The following NYX variants were observed in gnomAD, a reference collection of about 807,000 sequenced individuals.
NYX encodes the protein leucine-rich repeat protein.
For synonymous variants in NYX, 258 were observed against 245.7 expected (o/e 1.05, Z -0.47); for missense variants, 481 against 485.4 (o/e 0.99, Z 0.09).
chrX:41,451,189 T>C (rs2064278905), intron 2 of NYX, among the ~76,000 whole-genome samples: 1 of 111,363 alleles, frequency 9.0e-6, no homozygotes, highest in African/African-American at 3.3e-5. Context: ...GAATGTGGAG[T>C]AACTGGAACT....
intron 2 of NYX, among the ~76,000 whole-genome samples, chrX:41,458,025 T>C (rs1018612806): frequency 9.0e-6 from 1 of 111,707 alleles, no homozygotes; most frequent in Non-Finnish European, 1.9e-5. Flanking sequence ...AAAGCCTTCC[T>C]GCGGCGCCAT....
chrX:41,457,177 A>G (rs1328319387), intron 2 of NYX, among the ~76,000 whole-genome samples: 3 of 110,362 alleles, frequency 2.7e-5, no homozygotes, highest in African/African-American at 9.9e-5. Context: ...ATGGTGGCGC[A>G]TGCCTGTAAT....
chrX:41,448,004 A>C (rs2064264632), intron 2 of NYX, 78 bp downstream of exon 2: 1 of 1,032,003 alleles, frequency 9.7e-7, no homozygotes, highest in South Asian at 2.0e-5. Context: ...AGAGTCTTTA[A>C]AGTGGCTTCT....
intron 2 of NYX, among the ~76,000 whole-genome samples, chrX:41,462,319 T>G (rs1370387661): frequency 9.0e-6 from 1 of 111,636 alleles, no homozygotes; most frequent in East Asian, 2.8e-4. Context: ...TCCCTAGGAG[T>G]AGAATGGCTG....
intron 2 of NYX, among the ~76,000 whole-genome samples, chrX:41,463,422 CTTTT>C (rs58958947): frequency 1.0e-5 from 1 of 95,990 alleles, no homozygotes; most frequent in African/African-American, 3.8e-5. Flanking sequence ...ATAGTAGTCT[CTTTT>C]TTTTTTTTTT....
chrX:41,454,311 A>G (rs1024525102), intron 2 of NYX, among the ~76,000 whole-genome samples: 1 of 109,286 alleles, frequency 9.2e-6, no homozygotes, highest in Non-Finnish European at 1.9e-5. Context: ...GCAGATTTCC[A>G]CATGGTCCCT....
chrX:41,472,452 G>A lies in NYX; in HGVS notation c.23-1039G>A, dbSNP rs1004097637. ...TGACTCACCATGGCCAGCAGGCCGCGGAGGTAACGATCCCGAAGGGCGGCT... is the reference window on the plus strand; with the variant it reads ...TGACTCACCATGGCCAGCAGGCCGCAGAGGTAACGATCCCGAAGGGCGGCT... On this transcript the variant is annotated intron_variant, in intron 2 of 2. Transcript: ENST00000378220. 1.1e-5 allele frequency: 11 copies of A among 987,428 alleles called. No homozygotes were observed. The African/African-American group carries it at 1.9e-4, about 17-fold the overall frequency. 81.4% of individuals were successfully genotyped at this position (987,428 alleles called of 1,213,427 possible).
intron 2 of NYX, among the ~76,000 whole-genome samples, chrX:41,449,917 T>G (rs2064272689): frequency 9.0e-6 from 1 of 111,495 alleles, no homozygotes; most frequent in Admixed American, 9.6e-5. Context: ...TCACAAGCAA[T>G]ACGGACAATA....
intron 2 of NYX, among the ~76,000 whole-genome samples, chrX:41,461,382 CA>C (rs1374331049): frequency 9.8e-6 from 1 of 101,543 alleles, no homozygotes; most frequent in African/African-American, 3.7e-5. Context: ...AATATTCCGT[CA>C]TATATATATA....
At chrX:41,470,468 C>T (rs984975793) in intron 2 of NYX, among the ~76,000 whole-genome samples, 36 of 110,457 alleles carry the variant, frequency 3.3e-4, no homozygotes, top group Non-Finnish European at 3.4e-4. Context: ...CCAAGGTGGG[C>T]GGATCAACTG....
chrX:41,475,595 CAAAT>C lies in NYX; in HGVS notation c.*701_*704del, dbSNP rs2064388932. On this transcript the variant is annotated 3_prime_UTR_variant, in exon 3 of 3. Coordinates refer to ENST00000378220, the MANE Select transcript of NYX (RefSeq NM_001378477.3). ...GGGCAGCAGGGGGTGTGTTTGTGGA[CAAAT>C]AAATTTGTAAAGTCCGAGGATTAAA... 9.3e-6 allele frequency: 1 copy of C among 107,046 alleles called. No homozygotes were observed. The highest frequency in any genetic ancestry group is 4.1e-4 in the South Asian group (1 of 2,423). The allele number at this position is 107,046 out of a possible 1,213,427, so 8.8% of individuals were successfully genotyped here.
At chrX:41,458,012 G>C (rs1293469749) in intron 2 of NYX, among the ~76,000 whole-genome samples, 1 of 111,922 alleles carries the variant, frequency 8.9e-6, no homozygotes, top group Admixed American at 9.6e-5. Flanking sequence ...CTCACATCAA[G>C]TAAAAGCCTT....
intron 2 of NYX, among the ~76,000 whole-genome samples, chrX:41,468,891 T>C (rs984614575): frequency 1.8e-5 from 2 of 111,609 alleles, no homozygotes; most frequent in Non-Finnish European, 3.8e-5. Flanking sequence ...CCTGTCTCCC[T>C]AGCAGGGTGT....
intron 2 of NYX, among the ~76,000 whole-genome samples, chrX:41,453,614 C>A (rs1241308262): frequency 3.6e-5 from 4 of 110,427 alleles, no homozygotes; most frequent in Non-Finnish European, 3.8e-5. Context: ...CACCACCATG[C>A]CCAGCTAATT....
chrX:41,475,109 T>C lies in NYX; in HGVS notation c.*210T>C, dbSNP rs1007359869. On this transcript the variant is annotated 3_prime_UTR_variant, in exon 3 of 3. Coordinates refer to ENST00000378220, the MANE Select transcript of NYX (RefSeq NM_001378477.3). ...TCTGCTTTTGTCACACGGGCATCCA[T>C]TGGAAAAGAGAAGCAAGAATGAACG... 6 of 444,981 alleles carry C rather than the reference T, an allele frequency of 1.3e-5. No individual in the cohort carries two copies. The highest frequency in any genetic ancestry group is 3.8e-5 in the East Asian group (1 of 26,531). The allele number at this position is 444,981 out of a possible 1,213,427, so 36.7% of individuals were successfully genotyped here. A position where few individuals can be genotyped will look rare whatever the true frequency, so the allele number is the denominator to read the frequency against.
intron 2 of NYX, among the ~76,000 whole-genome samples, chrX:41,464,593 T>G (rs906269075): frequency 8.9e-6 from 1 of 111,798 alleles, no homozygotes; most frequent in African/African-American, 3.2e-5. Context: ...TCTTTTACTG[T>G]TTTTTACTCT....
rs187525762 is a variant in NYX at position 41,469,224 on chromosome X, C to T, written c.23-4267C>T. Among the ~76,000 whole-genome samples the T allele has an allele frequency of 9.1e-3, 1,009 of 111,433 alleles. 8 individuals carry two copies. The highest frequency in any genetic ancestry group is 0.032 in the African/African-American group (986 of 30,690). The stretch of plus-strand genomic sequence containing the variant: ...GGCAGCAAGTGTATTCTACATATCC[C>T]TTTTGGGGCCACATCTTCAGGTTCC... On this transcript the variant is annotated intron_variant, in intron 2 of 2. Transcript: ENST00000378220.
chrX:41,470,945 G>A (rs1174559485), intron 2 of NYX, among the ~76,000 whole-genome samples: 1 of 110,434 alleles, frequency 9.1e-6, no homozygotes, highest in Non-Finnish European at 1.9e-5. Context: ...AGTGTTCCCC[G>A]ACCAAACTGA....
intron 2 of NYX, among the ~76,000 whole-genome samples, chrX:41,473,202 G>C (rs760967624): frequency 1.8e-5 from 2 of 111,948 alleles, no homozygotes; most frequent in South Asian, 7.4e-4. Flanking sequence ...CACAAGTGGT[G>C]GTACAGGCAG....
Sources: gnomAD v4.1 joint callset for allele counts (sites outside exome capture counted in the v4.1 genomes callset) on GRCh38, gnomAD v4.1.1 for gene constraint, MANE v1.5 for transcripts, NCBI Gene and HGNC (gene_info 2026-07-23, HGNC 2026-07-21) for gene names.